The following ABHD8 variants were observed in gnomAD, a reference collection of about 807,000 sequenced individuals.
ABHD8 encodes the protein abhydrolase domain containing 8.
A neutral mutation model predicts 29.3 loss-of-function variants in ABHD8; 10 were observed. That is an observed-to-expected ratio of 0.34 (90% CI 0.21 to 0.58). The LOEUF (loss-of-function observed/expected upper bound fraction) is 0.58, where lower values mean the gene tolerates loss of function less well. Ranked by LOEUF, ABHD8 falls within the 20% of genes least tolerant of loss-of-function variation. The pLI, the probability that ABHD8 is intolerant of heterozygous loss-of-function variation, is 0.85. For missense variants in ABHD8, 556 were observed against 615.3 expected, an observed-to-expected ratio of 0.90 and a Z score of 1.02; for synonymous variants, 282 against 274.6, an observed-to-expected ratio of 1.03 and a Z score of -0.27.
chr19:17,297,053 C>A (rs2074096913), intron 2 of ABHD8, among the ~76,000 whole-genome samples: 1 of 152,176 alleles, frequency 6.6e-6, no homozygotes, highest in Non-Finnish European at 1.5e-5. Flanking sequence ...GTATGGCCTG[C>A]AAACCTAAAA....
At chr19:17,297,744 C>CTTTT (rs71334702) in intron 2 of ABHD8, 1 of 130,260 alleles carries the variant, frequency 7.7e-6, no homozygotes, top group African/African-American at 2.8e-5. Flanking sequence ...GTTTTCTTTT[C>CTTTT]TTTTTTTTTT....
At chr19:17,296,598 A>AG (rs1289971144) in intron 2 of ABHD8, 1 of 152,292 alleles carries the variant, frequency 6.6e-6, no homozygotes, top group African/African-American at 2.4e-5. Context: ...CTACAAAAGC[A>AG]GGGGTCAACA....
chr19:17,294,433 G>T lies in ABHD8; in HGVS notation c.1004C>A (p.Ser335Tyr). ...LKEGNAFNVS[S>Y]FVLRAMMSGQ... ...GCTCATCATGGCCCGGAGTACGAAG[G>T]ATGACACGTTGAAAGCGTTGCCCTC... is the stretch of plus-strand genomic sequence containing the variant. Residue 335 changes from serine to tyrosine, a missense_variant, in exon 4 of 5, where the codon TCC (serine) becomes TAC (tyrosine). By Grantham distance (144) the Ser-to-Tyr change is moderately radical. Around this residue, in one of 2 missense-constraint regions of ABHD8, gnomAD observed 270 missense variants for 353.9 expected, o/e 0.76. Transcript: ENST00000247706. 6.2e-7 allele frequency: 1 copy of T among 1,614,138 alleles called. No individual in the cohort carries two copies. The highest frequency in any genetic ancestry group is 2.2e-5 in the East Asian group (1 of 44,876).
intron 2 of ABHD8, among the ~76,000 whole-genome samples, chr19:17,300,126 A>C: frequency 6.6e-6 from 1 of 150,758 alleles, no homozygotes; most frequent in Admixed American, 6.6e-5. Flanking sequence ...GGATGGTCTC[A>C]ATCTTCTGAC....
intron 4 of ABHD8, among the ~76,000 whole-genome samples, chr19:17,293,953 C>T (rs576823931): frequency 6.6e-6 from 1 of 152,070 alleles, no homozygotes; most frequent in African/African-American, 2.4e-5. Flanking sequence ...CCCCTGGTGC[C>T]GGTCTTCTAG....
intron 3 of ABHD8, 77 bp from the exon 4 acceptor site, chr19:17,294,581 G>C: frequency 6.2e-7 from 1 of 1,608,874 alleles, no homozygotes; most frequent in Non-Finnish European, 8.5e-7. Context: ...GCCAGCCCTA[G>C]TCCCAGCGGT....
Position 17,292,557 on chromosome 19 carries a change from A to T in ABHD8, c.*104T>A, listed in dbSNP as rs2074075369. The T allele has an allele frequency of 7.6e-7, 1 of 1,312,894 alleles. No individual in the cohort carries two copies. The highest frequency in any genetic ancestry group is 3.2e-5 in the Admixed American group (1 of 31,426). The allele number at this position is 1,312,894 out of a possible 1,614,324, so 81.3% of individuals were successfully genotyped here. ...TCCCTGACCTGGCCCCGCCCACCGGAGCGAACGGCCCGCCCAGGTGGTCTG... is the reference window on the plus strand; with the variant it reads ...TCCCTGACCTGGCCCCGCCCACCGGTGCGAACGGCCCGCCCAGGTGGTCTG... On this transcript the variant is annotated 3_prime_UTR_variant, in exon 5 of 5. Transcript: ENST00000247706.
rs1407909532 is a variant in ABHD8, at chr19:17,294,291, G to C, written c.1146C>G (p.Ala382=). 13 of 1,601,870 alleles carry C rather than the reference G, an allele frequency of 8.1e-6. No homozygotes were observed. Among genetic ancestry groups the C allele is most frequent in the South Asian group, 1.1e-5 (1 of 91,008 alleles). ...CGCCCCAGGTGCCCGCCTCTACCTCGGCCATGCGCTGGTCTTCCTCCACCG... is the reference window on the plus strand; with the variant it reads ...CGCCCCAGGTGCCCGCCTCTACCTCCGCCATGCGCTGGTCTTCCTCCACCG... ...FVPVEEDQRM[A]EILLLAFLKL... Residue 382 remains alanine, a synonymous_variant, in exon 4 of 5, where the codon GCC becomes GCG. Transcript: ENST00000247706.
chr19:17,299,331 G>C (rs894607175), intron 2 of ABHD8, among the ~76,000 whole-genome samples: 5 of 151,652 alleles, frequency 3.3e-5, no homozygotes, highest in African/African-American at 9.7e-5. Context: ...GGAGGCCGAG[G>C]AGGGCGAATC....
At chr19:17,299,891 C>T (rs1599524940) in intron 2 of ABHD8, among the ~76,000 whole-genome samples, 1 of 147,684 alleles carries the variant, frequency 6.8e-6, no homozygotes, top group South Asian at 2.2e-4. Context: ...TGCACCACCG[C>T]GCGTGGTGGC....
At position 17,292,241 on chromosome 19, in the gene ABHD8, T is replaced by A; in HGVS notation, c.*420A>T. On this transcript the variant is annotated 3_prime_UTR_variant, in exon 5 of 5. Transcript: ENST00000247706. Reference sequence around the variant, plus strand: ...AAAAATAGCTCCCAGCGCCGAGGAATGGGGGGTAGGAAGGGTCTCGGATAA... The same window carrying A: ...AAAAATAGCTCCCAGCGCCGAGGAAAGGGGGGTAGGAAGGGTCTCGGATAA... 4.5e-5 allele frequency: 9 copies of A among 201,898 alleles called. No homozygotes were observed. Among genetic ancestry groups the A allele is most frequent in the Non-Finnish European group, 6.9e-5 (7 of 101,448 alleles). The allele number at this position is 201,898 out of a possible 1,614,324, so 12.5% of individuals were successfully genotyped here. A position where few individuals can be genotyped will look rare whatever the true frequency, so the allele number is the denominator to read the frequency against.
rs760548258 is a variant in ABHD8 at position 17,301,619 on chromosome 19, TG to T, written c.-4del. The T allele has an allele frequency of 8.4e-6, 13 of 1,539,856 alleles. No homozygotes were observed. ...CCGTCGGTCACCCCGGTCAGCATGG[TG>T]TGTCCTGTGAGTGAGGACAGCAGCC... is the stretch of plus-strand genomic sequence containing the variant. On this transcript the variant is annotated 5_prime_UTR_variant, in exon 2 of 5. Coordinates refer to ENST00000247706, the MANE Select transcript of ABHD8 (RefSeq NM_024527.5).
chr19:17,301,419 A>G lies in ABHD8; in HGVS notation c.198T>C (p.Asp66=). 1 of 1,612,182 alleles carries G rather than the reference A, an allele frequency of 6.2e-7. No homozygotes were observed. Among genetic ancestry groups the G allele is most frequent in the Middle Eastern group, 1.7e-4 (1 of 6,050 alleles). Residue 66 remains aspartate (D), a synonymous_variant, in exon 2 of 5, where the codon GAT becomes GAC. Transcript: ENST00000247706. ...AGCCGGAGAGGTCCCCCTGGGCTGCATCCGAGGATGCGGATGATGGTGGAG... is the reference window on the plus strand; with the variant it reads ...AGCCGGAGAGGTCCCCCTGGGCTGCGTCCGAGGATGCGGATGATGGTGGAG... The part of the protein sequence containing the change: ...APPPPSSASS[D]AAQGDLSGLV...
At position 17,298,860 on chromosome 19, in the gene ABHD8, A is replaced by AC. The variant is rs1233037026; in HGVS notation, c.761+1995dup. Among the ~76,000 whole-genome samples, 3 of 144,992 alleles carry AC rather than the reference A, an allele frequency of 2.1e-5. No individual in the cohort carries two copies. In the East Asian group the frequency reaches 6.1e-4, roughly 30 times the overall value. On this transcript the variant is annotated intron_variant, in intron 2 of 4. Coordinates refer to ENST00000247706, the MANE Select transcript of ABHD8 (RefSeq NM_024527.5). ...GGTTCAAGTGATTCTCCTGCCTCAC[A>AC]CCCCCGAGTAGCTGGGATTACAGGC... is the stretch of plus-strand genomic sequence containing the variant.
chr19:17,301,511 C>G lies in ABHD8; in HGVS notation c.106G>C (p.Val36Leu), dbSNP rs2074118628. The change falls in exon 2 of 5, where the codon GTA becomes CTA. Residue 36 changes from valine to leucine, a missense_variant. Transcript: ENST00000247706. ...AGCACGCGGCCGGGCTTGACCTCTA[C>G]AAAGGTGTAGCCATCGCTGGACTCG... ...SVESSDGYTF[V>L]EVKPGRVLRV... The G allele has an allele frequency of 6.2e-7, 1 of 1,611,550 alleles. No homozygotes were observed. The highest frequency in any genetic ancestry group is 8.5e-7 in the Non-Finnish European group (1 of 1,179,562).
At chr19:17,297,671 CAAAT>C (rs771487909) in intron 2 of ABHD8, 5 of 151,786 alleles carry the variant, frequency 3.3e-5, no homozygotes, top group South Asian at 2.1e-4. Flanking sequence ...GAAATATAAA[CAAAT>C]AAGAGCTGTT....
Position 17,292,762 on chromosome 19 carries a change from T to C in ABHD8, c.1219A>G (p.Thr407Ala). The part of the protein sequence containing the change: ...SHMVMLECPE[T>A]VNTLLHEFLL... ...AATTCGTGGAGCAGCGTGTTGACCG[T>C]CTCAGGGCATTCCAGCATCACCATG... Residue 407 changes from threonine (T) to alanine (A), a missense_variant, in exon 5 of 5, where the codon ACG becomes GCG. This residue lies in a region of ABHD8 where 270 missense variants were observed against 353.9 expected (regional missense o/e 0.76). Transcript: ENST00000247706. 1 of 1,613,822 alleles carries C rather than the reference T, an allele frequency of 6.2e-7. No homozygotes were observed. Among genetic ancestry groups the C allele is most frequent in the Non-Finnish European group, 8.5e-7 (1 of 1,179,932 alleles).
intron 2 of ABHD8, chr19:17,296,500 T>C (rs976775181): frequency 7.9e-5 from 12 of 152,190 alleles, no homozygotes; most frequent in African/African-American, 2.9e-4. Flanking sequence ...TTCAGGATGT[T>C]CTGCCACCTG....
chr19:17,299,728 A>T (rs191343676), intron 2 of ABHD8, among the ~76,000 whole-genome samples: 89 of 151,944 alleles, frequency 5.9e-4, no homozygotes, highest in African/African-American at 2.1e-3. Context: ...AAAAATTTTA[A>T]AAATGTAAAA....
Sources: allele counts gnomAD v4.1 joint callset (sites outside exome capture counted in the v4.1 genomes callset), GRCh38; gene constraint gnomAD v4.1.1; regional missense constraint gnomAD v4.1.1; transcripts MANE v1.5; gene names NCBI Gene and HGNC (gene_info 2026-07-23, HGNC 2026-07-21).